VOPP1: variants seen among roughly 807,000 people sequenced by gnomAD.
VOPP1 encodes VOPP1 WW domain binding protein, also known as WW domain binding protein VOPP1.
In VOPP1, 8 loss-of-function variants were observed where a neutral mutation model predicts 23.5. That is an observed-to-expected ratio of 0.34 (90% CI 0.20 to 0.61). The LOEUF (loss-of-function observed/expected upper bound fraction) is 0.61, where lower values mean the gene tolerates loss of function less well. Among genes scored for constraint, VOPP1 ranks in the 20% least tolerant of loss-of-function variants. The probability of loss-of-function intolerance (pLI) is 0.78; values close to 1 mark genes in which losing one functional copy is unlikely to be tolerated. For missense variants in VOPP1, 174 were observed against 238.1 expected (o/e 0.73, Z 1.77); for synonymous variants, 83 against 97.3 (o/e 0.85, Z 0.86).
At chr7:55,530,332 T>C (rs1481541304) in intron 1 of VOPP1, among the ~76,000 whole-genome samples, 1 of 152,168 alleles carries the variant, frequency 6.6e-6, no homozygotes, top group East Asian at 1.9e-4. Context: ...ATTTCCCTAA[T>C]GACCAATGAT....
intron 1 of VOPP1, among the ~76,000 whole-genome samples, chr7:55,523,470 C>A (rs746664498): frequency 6.6e-6 from 1 of 152,044 alleles, no homozygotes; most frequent in Non-Finnish European, 1.5e-5. Context: ...ACCCAACTAA[C>A]AGAGTCGAGG....
chr7:55,506,892 G>GCTT (rs1482683263), intron 2 of VOPP1, among the ~76,000 whole-genome samples: 1 of 152,224 alleles, frequency 6.6e-6, no homozygotes, highest in Non-Finnish European at 1.5e-5. Flanking sequence ...GCCCACCTCA[G>GCTT]CTTCTCAAAC....
intron 4 of VOPP1, among the ~76,000 whole-genome samples, chr7:55,449,963 G>C (rs141636722): frequency 6.6e-6 from 1 of 152,348 alleles, no homozygotes; most frequent in Admixed American, 6.5e-5. Flanking sequence ...GTAGCACCCA[G>C]GTGGTCAGCA....
intron 2 of VOPP1, among the ~76,000 whole-genome samples, chr7:55,504,370 T>C (rs536290180): frequency 2.9e-4 from 44 of 152,336 alleles, no homozygotes; most frequent in Non-Finnish European, 5.3e-4. Flanking sequence ...CTATGAGAAA[T>C]TGGGCTCTCC....
chr7:55,489,490 T>C (rs1793402843), intron 4 of VOPP1, among the ~76,000 whole-genome samples: 1 of 152,148 alleles, frequency 6.6e-6, no homozygotes, highest in Non-Finnish European at 1.5e-5. Flanking sequence ...CATTCTCAAC[T>C]TTCTCTCCCT....
intron 4 of VOPP1, among the ~76,000 whole-genome samples, chr7:55,459,203 C>T (rs1278482389): frequency 6.6e-6 from 1 of 152,110 alleles, no homozygotes; most frequent in Non-Finnish European, 1.5e-5. Flanking sequence ...TTAAACCATC[C>T]TTGCATCTTT....
chr7:55,512,935 G>A (rs906400458), intron 2 of VOPP1, among the ~76,000 whole-genome samples: 3 of 152,222 alleles, frequency 2.0e-5, no homozygotes, highest in Non-Finnish European at 2.9e-5. Context: ...GTGGCCCAGC[G>A]GTGCTGGCTC....
At chr7:55,497,538 G>T in intron 3 of VOPP1, 75 bp downstream of exon 3, 1 of 1,311,956 alleles carries the variant, frequency 7.6e-7, no homozygotes, top group Non-Finnish European at 1.1e-6. Context: ...CGCATCCAAG[G>T]CTGTGACAAC....
chr7:55,476,135 A>G (rs1040467724), intron 4 of VOPP1, among the ~76,000 whole-genome samples: 1 of 152,232 alleles, frequency 6.6e-6, no homozygotes, highest in Non-Finnish European at 1.5e-5. Flanking sequence ...CACCACAGCC[A>G]GCCTCCCAGC....
chr7:55,495,975 T>C (rs1246472166), intron 3 of VOPP1, among the ~76,000 whole-genome samples: 1 of 152,236 alleles, frequency 6.6e-6, no homozygotes, highest in Non-Finnish European at 1.5e-5. Flanking sequence ...CGTCGTGTGC[T>C]GCCTCGCCAA....
chr7:55,561,758 AAAAAAC>A, intron 1 of VOPP1: 2 of 487,630 alleles, frequency 4.1e-6, no homozygotes, highest in Non-Finnish European at 7.3e-6. Context: ...CAAAAAAAAA[AAAAAAC>A]AAACAAGCAA....
At chr7:55,553,349 C>CT (rs1797689430) in intron 1 of VOPP1, among the ~76,000 whole-genome samples, 1 of 152,110 alleles carries the variant, frequency 6.6e-6, no homozygotes, top group South Asian at 2.1e-4. Context: ...GTAAAAACCT[C>CT]TTTAAGGGGA....
At chr7:55,524,046 C>T (rs1373458248) in intron 1 of VOPP1, among the ~76,000 whole-genome samples, 2 of 152,236 alleles carry the variant, frequency 1.3e-5, no homozygotes, top group Non-Finnish European at 2.9e-5. Context: ...GGGTAGATGC[C>T]TGTGAGGTCA....
chr7:55,520,072 G>A (rs1795739922), intron 2 of VOPP1, among the ~76,000 whole-genome samples: 1 of 152,092 alleles, frequency 6.6e-6, no homozygotes, highest in Non-Finnish European at 1.5e-5. Flanking sequence ...GGACTGCAGT[G>A]AGCCGAGATT....
chr7:55,569,636 G>C (rs985870175), intron 1 of VOPP1, among the ~76,000 whole-genome samples: 1 of 152,146 alleles, frequency 6.6e-6, no homozygotes, highest in African/African-American at 2.4e-5. Context: ...ATGAGATAAC[G>C]TGTAACATTT....
intron 2 of VOPP1, among the ~76,000 whole-genome samples, chr7:55,502,252 C>T (rs1238861211): frequency 6.6e-6 from 1 of 152,226 alleles, no homozygotes; most frequent in Non-Finnish European, 1.5e-5. Context: ...ACATACCCGT[C>T]CTAGAATATT....
At chr7:55,442,841 G>A (rs1791000742) in intron 4 of VOPP1, among the ~76,000 whole-genome samples, 1 of 152,226 alleles carries the variant, frequency 6.6e-6, no homozygotes, top group Non-Finnish European at 1.5e-5. Flanking sequence ...AGCAGGCCGG[G>A]TGCGGTGGCT....
intron 1 of VOPP1, among the ~76,000 whole-genome samples, chr7:55,566,774 C>T (rs963203553): frequency 6.6e-6 from 1 of 152,174 alleles, no homozygotes; most frequent in Non-Finnish European, 1.5e-5. Context: ...TGAGGACATC[C>T]TCATCACCAT....
At chr7:55,568,397 T>C (rs779860480) in intron 1 of VOPP1, among the ~76,000 whole-genome samples, 5 of 152,162 alleles carry the variant, frequency 3.3e-5, no homozygotes, top group African/African-American at 4.8e-5. Context: ...CTTTTTCTAG[T>C]CCAAGAAGAT....
Sources: gnomAD v4.1 joint callset for allele counts (sites outside exome capture counted in the v4.1 genomes callset) on GRCh38, gnomAD v4.1.1 for gene constraint, MANE v1.5 for transcripts, NCBI Gene and HGNC (gene_info 2026-07-23, HGNC 2026-07-21) for gene names.